The following UPP2 variants were observed in gnomAD, a reference collection of about 807,000 sequenced individuals.
UPP2 encodes the protein uridine phosphorylase 2.
In UPP2, 23 loss-of-function variants were observed where a neutral mutation model predicts 26.7. That is an observed-to-expected ratio of 0.86 (90% CI 0.62 to 1.22). The LOEUF is 1.22. Ranked by LOEUF, UPP2 falls within the 50% of genes most tolerant of loss-of-function variation. The pLI, the probability that UPP2 is intolerant of heterozygous loss-of-function variation, is 0.00. For missense variants in UPP2, 387 were observed against 396.7 expected (o/e 0.98, Z 0.21); for synonymous variants, 127 against 141.3 (o/e 0.90, Z 0.72).
intron 6 of UPP2, among the ~76,000 whole-genome samples, chr2:158,130,723 AAGAT>A (rs1490298461): frequency 3.3e-5 from 5 of 152,198 alleles, no homozygotes; most frequent in African/African-American, 1.2e-4. Flanking sequence ...TGATGATTCA[AAGAT>A]AGAGTTTAAA....
Position 158,070,987 on chromosome 2 carries a change from C to T in UPP2, c.148-31053C>T, listed in dbSNP as rs574990281. ...CCACAGAGAGATCATTTGGATCAGC[C>T]TTAGCCGGAGGGGGATCATCCATCC... On this transcript the variant is annotated intron_variant, in intron 3 of 9. Transcript: ENST00000605860. Among the ~76,000 whole-genome samples, 43 of 152,188 alleles carry T rather than the reference C, an allele frequency of 2.8e-4. 1 individual carries two copies. Among genetic ancestry groups the T allele is most frequent in the Non-Finnish European group, 5.6e-4 (38 of 68,036 alleles).
intron 6 of UPP2, among the ~76,000 whole-genome samples, 185 bp downstream of exon 6, chr2:158,124,080 C>A (rs563952392): frequency 6.6e-6 from 1 of 152,202 alleles, no homozygotes; most frequent in Admixed American, 6.5e-5. Flanking sequence ...TCTTATTATG[C>A]AAATAAGGAA....
At chr2:158,092,994 C>A (rs1226679897) in intron 3 of UPP2, among the ~76,000 whole-genome samples, 1 of 152,072 alleles carries the variant, frequency 6.6e-6, no homozygotes, top group Non-Finnish European at 1.5e-5. Context: ...GATCTCGGCT[C>A]ACTGCAACCT....
intron 3 of UPP2, 62 bp from the exon 4 acceptor site, chr2:158,117,762 A>G: frequency 7.9e-7 from 1 of 1,263,982 alleles, no homozygotes; most frequent in Non-Finnish European, 1.2e-6. Context: ...GATGGAAGAA[A>G]TTATGTCCTG....
chr2:158,061,440 G>T (rs1191592961), intron 3 of UPP2, among the ~76,000 whole-genome samples: 1 of 152,164 alleles, frequency 6.6e-6, no homozygotes, highest in Non-Finnish European at 1.5e-5. Flanking sequence ...TTTCTAAAGG[G>T]TCTTTACATA....
At chr2:158,001,568 C>T (rs1683408181) in intron 2 of UPP2, among the ~76,000 whole-genome samples, 1 of 152,156 alleles carries the variant, frequency 6.6e-6, no homozygotes, top group Admixed American at 6.5e-5. Context: ...ATAGGTCAGC[C>T]TCCTACTTGG....
At chr2:158,021,107 TA>T (rs1683743978) in intron 3 of UPP2, among the ~76,000 whole-genome samples, 1 of 151,962 alleles carries the variant, frequency 6.6e-6, no homozygotes, top group Admixed American at 6.6e-5. Context: ...ATAAAGAAAA[TA>T]AAATACATAG....
intron 3 of UPP2, among the ~76,000 whole-genome samples, chr2:158,076,079 AATAG>A (rs1158421224): frequency 1.3e-5 from 2 of 151,964 alleles, no homozygotes; most frequent in Non-Finnish European, 1.5e-5. Context: ...ATCTGGAAGA[AATAG>A]ATAAATTCCT....
chr2:158,128,142 C>A, intron 6 of UPP2: 1 of 424,756 alleles, frequency 2.4e-6, no homozygotes, highest in Non-Finnish European at 3.1e-6. Context: ...TTAGGTTCTG[C>A]TTAAATCCTC....
intron 2 of UPP2, among the ~76,000 whole-genome samples, chr2:158,108,796 G>C (rs1326611712): frequency 6.6e-6 from 1 of 151,390 alleles, no homozygotes; most frequent in Non-Finnish European, 1.5e-5. Context: ...TTATCTTTTG[G>C]ATAAAAAGAC....
At chr2:158,086,481 A>G (rs1386327789) in intron 3 of UPP2, among the ~76,000 whole-genome samples, 1 of 151,110 alleles carries the variant, frequency 6.6e-6, no homozygotes, top group African/African-American at 2.4e-5. Context: ...TTTTTGTTTC[A>G]ATTTCATTTA....
intron 3 of UPP2, among the ~76,000 whole-genome samples, chr2:158,041,544 C>T (rs552884332): frequency 8.5e-5 from 13 of 152,268 alleles, no homozygotes; most frequent in Non-Finnish European, 1.6e-4. Flanking sequence ...TGGATGAAAG[C>T]CTACATCTTT....
intron 2 of UPP2, among the ~76,000 whole-genome samples, chr2:158,006,747 G>A (rs1055091941): frequency 6.6e-6 from 1 of 152,222 alleles, no homozygotes; most frequent in African/African-American, 2.4e-5. Flanking sequence ...ACTCGAGGAA[G>A]CCTTTCAATG....
chr2:158,083,029 T>A (rs759670052), intron 3 of UPP2, among the ~76,000 whole-genome samples: 1 of 152,206 alleles, frequency 6.6e-6, no homozygotes, highest in Non-Finnish European at 1.5e-5. Flanking sequence ...TCAGTTAGAA[T>A]GGCGATTATT....
chr2:157,999,796 A>T (rs926371501), intron 2 of UPP2, among the ~76,000 whole-genome samples: 9 of 152,198 alleles, frequency 5.9e-5, no homozygotes, highest in Non-Finnish European at 8.8e-5. Context: ...GTTAAGAAAA[A>T]TTTTACATCT....
chr2:158,060,742 G>A (rs1453508894), intron 3 of UPP2, among the ~76,000 whole-genome samples: 2 of 152,058 alleles, frequency 1.3e-5, no homozygotes, highest in African/African-American at 4.8e-5. Flanking sequence ...AATGAGATTA[G>A]TACCCTTAAA....
At chr2:158,065,567 C>G in intron 3 of UPP2, 2 of 543,690 alleles carry the variant, frequency 3.7e-6, no homozygotes, top group Non-Finnish European at 7.2e-6. Context: ...AACTGTCCAG[C>G]TCCTGTGGAA....
intron 3 of UPP2, among the ~76,000 whole-genome samples, chr2:158,028,713 G>A (rs916412833): frequency 1.3e-5 from 2 of 152,204 alleles, no homozygotes; most frequent in African/African-American, 4.8e-5. Flanking sequence ...GGAAGAAAAA[G>A]AGGTTTAATT....
At chr2:158,035,349 G>T (rs1292133688) in intron 3 of UPP2, among the ~76,000 whole-genome samples, 1 of 152,084 alleles carries the variant, frequency 6.6e-6, no homozygotes, top group Admixed American at 6.5e-5. Context: ...TGGATACGGG[G>T]TTTCACCATG....
Sources: gnomAD v4.1 joint callset for allele counts (sites outside exome capture counted in the v4.1 genomes callset) on GRCh38, gnomAD v4.1.1 for gene constraint, MANE v1.5 for transcripts, NCBI Gene and HGNC (gene_info 2026-07-23, HGNC 2026-07-21) for gene names.